LRP1B: variants seen among roughly 807,000 people sequenced by gnomAD.
LRP1B encodes low-density lipoprotein receptor-related protein 1B.
LRP1B carries 217 observed loss-of-function variants against 556.6 expected under a neutral mutation model. That is an observed-to-expected ratio of 0.39 (90% CI 0.35 to 0.44). The LOEUF (loss-of-function observed/expected upper bound fraction) is 0.44, where lower values mean the gene tolerates loss of function less well. Among genes scored for constraint, LRP1B ranks in the 20% least tolerant of loss-of-function variants. The pLI is 1.00. For synonymous variants in LRP1B, 2,047 were observed against 1,865.8 expected (o/e 1.10, Z -2.50); for missense variants, 5,053 against 5,620.8 (o/e 0.90, Z 3.23).
chr2:141,647,725 G>A (rs1413279359), intron 2 of LRP1B, among the ~76,000 whole-genome samples: 1 of 141,692 alleles, frequency 7.1e-6, no homozygotes, highest in African/African-American at 2.7e-5. Flanking sequence ...TTAAATAAGA[G>A]AGACAAGTAG....
chr2:140,598,566 T>A, intron 43 of LRP1B, 65 bp downstream of exon 43: 1 of 1,249,660 alleles, frequency 8.0e-7, no homozygotes, highest in Non-Finnish European at 1.2e-6. Flanking sequence ...TAGGAGAGTA[T>A]AAATCACATG....
At chr2:140,349,345 CTAA>C (rs1681852662) in intron 77 of LRP1B, among the ~76,000 whole-genome samples, 1 of 151,922 alleles carries the variant, frequency 6.6e-6, no homozygotes, top group African/African-American at 2.4e-5. Context: ...TTTTAATATG[CTAA>C]TATGAAGCAA....
At chr2:140,985,312 T>C (rs1367184900) in intron 17 of LRP1B, among the ~76,000 whole-genome samples, 1 of 151,516 alleles carries the variant, frequency 6.6e-6, no homozygotes, top group East Asian at 1.9e-4. Context: ...ACTATTATTT[T>C]GTAAAGAAAA....
chr2:141,830,765 A>G (rs1165998950), intron 1 of LRP1B, among the ~76,000 whole-genome samples: 4 of 151,830 alleles, frequency 2.6e-5, no homozygotes, highest in Non-Finnish European at 5.9e-5. Context: ...TGACCTCCTG[A>G]AAGTTTGGTG....
At chr2:141,581,124 T>A (rs1280980942) in intron 2 of LRP1B, among the ~76,000 whole-genome samples, 1 of 152,218 alleles carries the variant, frequency 6.6e-6, no homozygotes, top group Non-Finnish European at 1.5e-5. Context: ...TAAGGCTTTT[T>A]GTTTTCCAGG....
intron 87 of LRP1B, among the ~76,000 whole-genome samples, chr2:140,239,934 T>C (rs1246148739): frequency 6.6e-6 from 1 of 150,974 alleles, no homozygotes; most frequent in Admixed American, 6.6e-5. Context: ...CTTAGTTTTG[T>C]TCCTTTAGTC....
intron 85 of LRP1B, among the ~76,000 whole-genome samples, chr2:140,273,078 A>G (rs2104949165): frequency 6.6e-6 from 1 of 151,980 alleles, no homozygotes; most frequent in African/African-American, 2.4e-5. Context: ...GCATCTCCAC[A>G]TGAGCTTTTC....
chr2:140,290,532 G>T (rs1342456424), intron 84 of LRP1B, among the ~76,000 whole-genome samples: 2 of 152,004 alleles, frequency 1.3e-5, no homozygotes, highest in Admixed American at 6.6e-5. Flanking sequence ...ACTGAGGAAG[G>T]GGTTGGTTCT....
intron 1 of LRP1B, among the ~76,000 whole-genome samples, chr2:141,990,882 T>G (rs1013889361): frequency 6.6e-6 from 1 of 152,058 alleles, no homozygotes; most frequent in African/African-American, 2.4e-5. Context: ...GCTGTAATTT[T>G]CTGTAATCAG....
chr2:140,444,824 A>G lies in LRP1B; in HGVS notation c.10058-145T>C, dbSNP rs1171676223. ...TGTCTCTCATCTCGATAGCTATTAG[A>G]TTCAAATGTTTAGCTATACTTTGAG... is the stretch of plus-strand genomic sequence containing the variant. On this transcript the variant is annotated intron_variant, in intron 63 of 90. Coordinates refer to ENST00000389484, the MANE Select transcript of LRP1B (RefSeq NM_018557.3). 3 of 604,688 alleles carry G rather than the reference A, an allele frequency of 5.0e-6. No individual in the cohort carries two copies. In the African/African-American group the frequency reaches 5.6e-5, roughly 11 times the overall value. 37.5% of individuals were successfully genotyped at this position (604,688 alleles called of 1,614,324 possible).
At chr2:140,421,950 G>C (rs926222277) in intron 66 of LRP1B, among the ~76,000 whole-genome samples, 5 of 152,180 alleles carry the variant, frequency 3.3e-5, no homozygotes, top group African/African-American at 1.2e-4. Flanking sequence ...TCAGTGTGCA[G>C]GTTTGACAGA....
intron 1 of LRP1B, among the ~76,000 whole-genome samples, chr2:142,098,416 G>A (rs555602110): frequency 4.6e-5 from 7 of 151,794 alleles, no homozygotes; most frequent in African/African-American, 7.2e-5. Flanking sequence ...CTGTGCTGTA[G>A]TTTCAGAAAT....
intron 41 of LRP1B, among the ~76,000 whole-genome samples, chr2:140,631,638 C>T (rs539915043): frequency 1.5e-4 from 23 of 152,148 alleles, no homozygotes; most frequent in Non-Finnish European, 2.4e-4. Context: ...CAATAAAAAA[C>T]GAACAGAACA....
Position 141,543,558 on chromosome 2 carries a change from T to C in LRP1B, c.206-63025A>G, listed in dbSNP as rs1482000280. On this transcript the variant is annotated intron_variant, in intron 2 of 90. Transcript: ENST00000389484. The stretch of plus-strand genomic sequence containing the variant: ...AAAAAAGTTACACCATATAATTTTC[T>C]TTCCTTAAAAACAAACACAAGCTGG... 6.0e-5 allele frequency among the ~76,000 whole-genome samples: 9 copies of C among 150,380 alleles called. No individual in the cohort carries two copies. In the East Asian group the frequency reaches 1.8e-3, roughly 29 times the overall value.
At chr2:140,830,772 T>C (rs78049247) in intron 31 of LRP1B, among the ~76,000 whole-genome samples, 2,867 of 152,102 alleles carry the variant, frequency 0.019, 48 homozygotes, top group Non-Finnish European at 0.028. Flanking sequence ...AGAAGGCAAA[T>C]TATTTTTGTT....
At position 140,232,205 on chromosome 2, in the gene LRP1B, GT is replaced by G. The variant is rs35815091; in HGVS notation, c.*980del. ...TACTAAAATGTCTGCTTTGCCCTTT[GT>G]TTTTTGACCTAGCAAAGAGGATGCG... On this transcript the variant is annotated 3_prime_UTR_variant, in exon 91 of 91. Coordinates refer to ENST00000389484, the MANE Select transcript of LRP1B (RefSeq NM_018557.3). 89,501 of 150,972 alleles carry G rather than the reference GT, an allele frequency of 0.59. 27,086 individuals are homozygous for G. The highest frequency in any genetic ancestry group is 0.66 in the Non-Finnish European group (44,613 of 67,432). The allele number at this position is 150,972 out of a possible 1,614,324, so 9.4% of individuals were successfully genotyped here.
chr2:141,656,813 G>T (rs576001332), intron 2 of LRP1B, among the ~76,000 whole-genome samples: 1 of 151,992 alleles, frequency 6.6e-6, no homozygotes, highest in South Asian at 2.1e-4. Flanking sequence ...TAAGTATCTA[G>T]CATGTGTCTG....
intron 16 of LRP1B, 130 bp from the exon 17 acceptor site, chr2:140,989,787 A>T: frequency 1.3e-6 from 1 of 755,596 alleles, no homozygotes; most frequent in Non-Finnish European, 2.1e-6. Flanking sequence ...TCTGTCATTC[A>T]TTGCCTTATA....
At chr2:140,494,892 AC>A (rs1307813965) in intron 56 of LRP1B, among the ~76,000 whole-genome samples, 62 of 152,228 alleles carry the variant, frequency 4.1e-4, no homozygotes, top group African/African-American at 1.5e-3. Context: ...ATACTTAAAA[AC>A]AAGCGGAATA....
Sources: allele counts gnomAD v4.1 joint callset (sites outside exome capture counted in the v4.1 genomes callset), GRCh38; gene constraint gnomAD v4.1.1; transcripts MANE v1.5; gene names NCBI Gene and HGNC (gene_info 2026-07-23, HGNC 2026-07-21).